IL15RA: variants seen among roughly 807,000 people sequenced by gnomAD.
IL15RA encodes interleukin 15 receptor subunit alpha.
Under a neutral mutation model 24.2 loss-of-function variants are expected in IL15RA, and 26 were observed. The observed-to-expected ratio is 1.07, with a 90% CI of 0.79 to 1.49. The LOEUF (loss-of-function observed/expected upper bound fraction) is 1.49. Among genes scored for constraint, IL15RA ranks in the 40% most tolerant of loss-of-function variants. The pLI, the probability that IL15RA is intolerant of heterozygous loss-of-function variation, is 0.00. For synonymous variants in IL15RA, 166 were observed against 157.6 expected (o/e 1.05, Z -0.40); for missense variants, 354 against 356.4 (o/e 0.99, Z 0.05).
At chr10:5,950,095 C>CAAAA (rs3085932), downstream of IL15RA, among the ~76,000 whole-genome samples, 2,372 of 149,910 alleles carry the variant, frequency 0.016, 49 homozygotes, top group South Asian at 0.075. This position sits in a 1 kb window ranked among gnomAD's most constrained non-coding sequence, Gnocchi z 5.6. Context: ...GACTCTGTCT[C>CAAAA]AAAAAAAAAG....
At position 5,953,554 on chromosome 10, in the gene IL15RA, C is replaced by T. The variant is rs1239870711; in HGVS notation, c.693-348G>A. ...TAAATCCTCTCCAGGTATTTCCAAC[C>T]TCCCCATCCACCAAAGACTCACCAA... On this transcript the variant is annotated intron_variant, in intron 6 of 6. Coordinates refer to ENST00000379977, the MANE Select transcript of IL15RA (RefSeq NM_002189.4). The surrounding 1 kb of genome is among the most constrained non-coding windows in gnomAD (Gnocchi z 5.3). Among the ~76,000 whole-genome samples, 1 of 152,030 alleles carries T rather than the reference C, an allele frequency of 6.6e-6. No homozygotes were observed. Among genetic ancestry groups the T allele is most frequent in the African/African-American group, 2.4e-5 (1 of 41,400 alleles).
At position 5,961,417 on chromosome 10, in the gene IL15RA, G is replaced by T. The variant is rs8177699; in HGVS notation, c.383-850C>A. Among the ~76,000 whole-genome samples, 17 of 148,048 alleles carry T rather than the reference G, an allele frequency of 1.1e-4. No individual in the cohort carries two copies. In the Admixed American group the frequency reaches 1.2e-3, roughly 10 times the overall value. On this transcript the variant is annotated intron_variant, in intron 3 of 6. Coordinates refer to ENST00000379977, the MANE Select transcript of IL15RA (RefSeq NM_002189.4). This position sits in a 1 kb window ranked among gnomAD's most constrained non-coding sequence, Gnocchi z 5.2. ...AGACCCCTGTCTCTTAAAAAAAAAGGTGGGGGGAAGAAAAGAAAAGGTGTC... is the reference window on the plus strand; with the variant it reads ...AGACCCCTGTCTCTTAAAAAAAAAGTTGGGGGGAAGAAAAGAAAAGGTGTC...
At chr10:5,949,426 A>C, downstream of IL15RA, 1 of 466,172 alleles carries the variant, frequency 2.1e-6, no homozygotes, top group Non-Finnish European at 4.4e-6. The surrounding 1 kb of genome is among the most constrained non-coding windows in gnomAD (Gnocchi z 4.4). Context: ...AGTTCTGATT[A>C]GTGCCTAGCA....
At position 5,966,408 on chromosome 10, in the gene IL15RA, C is replaced by A. The variant is rs954090478; in HGVS notation, c.89-69G>T. 2 of 1,320,726 alleles carry A rather than the reference C, an allele frequency of 1.5e-6. No individual in the cohort carries two copies. Among genetic ancestry groups the A allele is most frequent in the African/African-American group, 1.4e-5 (1 of 69,550 alleles). The allele number at this position is 1,320,726 out of a possible 1,614,324, so 81.8% of individuals were successfully genotyped here. ...TTGTAAGAGGCGTTCTCCAGGCACA[C>A]GCAGCGGTAGTCAGTGTCCAGCTTA... On this transcript the variant is annotated intron_variant, in intron 1 of 6. Coordinates refer to ENST00000379977, the MANE Select transcript of IL15RA (RefSeq NM_002189.4). This position sits in a 1 kb window ranked among gnomAD's most constrained non-coding sequence, Gnocchi z 6.4.
chr10:5,951,092 A>C (rs1346719792), downstream of IL15RA, among the ~76,000 whole-genome samples: 2 of 133,868 alleles, frequency 1.5e-5, no homozygotes, highest in Non-Finnish European at 3.1e-5. Context: ...CAGTGAGCCG[A>C]GATTGTGCCA....
chr10:5,957,692 A>G (rs1245306805), intron 5 of IL15RA, among the ~76,000 whole-genome samples: 2 of 150,980 alleles, frequency 1.3e-5, no homozygotes, highest in Non-Finnish European at 2.9e-5. Flanking sequence ...CCCAGGTTCA[A>G]ACGATTCTCC....
rs537776422 is a variant in IL15RA at position 5,962,705 on chromosome 10, G to A, written c.382+1038C>T. 3.9e-5 allele frequency among the ~76,000 whole-genome samples: 6 copies of A among 152,116 alleles called. No individual in the cohort carries two copies. In the East Asian group the frequency reaches 1.2e-3, roughly 29 times the overall value. ...CAGTGTGTACCCACGGCTGACAACT[G>A]ACACTCCGCAAAGGATGGCTGAGTC... is the stretch of plus-strand genomic sequence containing the variant. On this transcript the variant is annotated intron_variant, in intron 3 of 6. Transcript: ENST00000379977. This position sits in a 1 kb window ranked among gnomAD's most constrained non-coding sequence, Gnocchi z 5.2.
In IL15RA at chr10:5,963,984, G is replaced by C; in HGVS notation, c.284-143C>G. ...TTCCTCAGACAGGTTAAAAGCATAA[G>C]AAACAATGTTTCCCCACCCGAATGC... is the stretch of plus-strand genomic sequence containing the variant. On this transcript the variant is annotated intron_variant, in intron 2 of 6. Transcript: ENST00000379977. This position sits in a 1 kb window ranked among gnomAD's most constrained non-coding sequence, Gnocchi z 5.3. The C allele has an allele frequency of 1.7e-6, 1 of 574,968 alleles. No individual in the cohort carries two copies. The highest frequency in any genetic ancestry group is 4.1e-5 in the Admixed American group (1 of 24,586). The allele number at this position is 574,968 out of a possible 1,614,324, so 35.6% of individuals were successfully genotyped here. A position where few individuals can be genotyped will look rare whatever the true frequency, so the allele number is the denominator to read the frequency against.
At chr10:5,954,438 C>T (rs555415470) in intron 6 of IL15RA, among the ~76,000 whole-genome samples, 1 of 151,432 alleles carries the variant, frequency 6.6e-6, no homozygotes, top group South Asian at 2.1e-4. Flanking sequence ...ATTTATTTTA[C>T]TTTTTGAGCT....
intron 5 of IL15RA, among the ~76,000 whole-genome samples, chr10:5,957,589 TC>T (rs1170688016): frequency 2.5e-5 from 3 of 120,484 alleles, no homozygotes; most frequent in Admixed American, 2.5e-4. Context: ...TTTCTTTTCT[TC>T]TTCTTTTTTT....
rs909207991 is a variant in IL15RA at position 5,953,412 on chromosome 10, C to G, written c.693-206G>C. The stretch of plus-strand genomic sequence containing the variant: ...CTACCTCTACCGAGTGTATTAAATC[C>G]TATCTAGGGGCCAGGTGTGGTGGCG... On this transcript the variant is annotated intron_variant, in intron 6 of 6. Transcript: ENST00000379977. The surrounding 1 kb of genome is among the most constrained non-coding windows in gnomAD (Gnocchi z 5.3). 1 of 704,330 alleles carries G rather than the reference C, an allele frequency of 1.4e-6. No individual in the cohort carries two copies. Among genetic ancestry groups the G allele is most frequent in the Non-Finnish European group, 2.6e-6 (1 of 382,880 alleles). 43.6% of individuals were successfully genotyped at this position (704,330 alleles called of 1,614,324 possible).
At position 5,968,670 on chromosome 10, in the gene IL15RA, G is replaced by A. The variant is rs1837029728; in HGVS notation, c.89-2331C>T. On this transcript the variant is annotated intron_variant, in intron 1 of 6. Coordinates refer to ENST00000379977, the MANE Select transcript of IL15RA (RefSeq NM_002189.4). This position sits in a 1 kb window ranked among gnomAD's most constrained non-coding sequence, Gnocchi z 5.4. The stretch of plus-strand genomic sequence containing the variant: ...GTCAGAGGCTTTTTCTCCATGTTCT[G>A]CTCCACACTGATCTTCTGTCCTTCT... 1.6e-5 allele frequency: 11 copies of A among 669,206 alleles called. No individual in the cohort carries two copies. The South Asian group carries it at 1.8e-4, about 11-fold the overall frequency. 41.5% of individuals were successfully genotyped at this position (669,206 alleles called of 1,614,324 possible).
intron 1 of IL15RA, chr10:5,977,021 C>G (rs991231362): frequency 5.5e-6 from 1 of 180,216 alleles, no homozygotes; most frequent in African/African-American, 2.3e-5. Flanking sequence ...AACACCCGCC[C>G]TGCAGTCCAG....
chr10:5,951,330 A>G (rs1424250495), downstream of IL15RA, among the ~76,000 whole-genome samples: 2 of 151,412 alleles, frequency 1.3e-5, no homozygotes, highest in African/African-American at 4.9e-5. Context: ...CCCCTCCCCC[A>G]CAAAAAAAGA....
intron 1 of IL15RA, among the ~76,000 whole-genome samples, chr10:5,972,764 T>C (rs1464549451): frequency 6.6e-6 from 1 of 152,222 alleles, no homozygotes; most frequent in Non-Finnish European, 1.5e-5. Flanking sequence ...CCATTTTATT[T>C]ACTCAGTCCT....
Position 5,969,009 on chromosome 10 carries a change from T to C in IL15RA, c.89-2670A>G. The C allele has an allele frequency of 9.8e-6, 15 of 1,527,324 alleles. No individual in the cohort carries two copies. In the South Asian group the frequency reaches 1.4e-4, roughly 15 times the overall value. The allele number at this position is 1,527,324 out of a possible 1,614,324, so 94.6% of individuals were successfully genotyped here. On this transcript the variant is annotated intron_variant, in intron 1 of 6. Coordinates refer to ENST00000379977, the MANE Select transcript of IL15RA (RefSeq NM_002189.4). ...CTCCAGGGCTGTTTGTGTAGGATCC[T>C]GAGCAAGGACTAAGTGTATTGTGTG...
rs1322065088 is a variant in IL15RA, at chr10:5,955,592, A to C, written c.692+787T>G. 6.6e-6 allele frequency among the ~76,000 whole-genome samples: 1 copy of C among 152,352 alleles called. No individual in the cohort carries two copies. The highest frequency in any genetic ancestry group is 1.9e-4 in the East Asian group (1 of 5,192). The stretch of plus-strand genomic sequence containing the variant: ...TTGAGGCTTTAATCAAAGAATAATA[A>C]TACTGCCTAAAGATTAAAAAAATGA... On this transcript the variant is annotated intron_variant, in intron 6 of 6. Coordinates refer to ENST00000379977, the MANE Select transcript of IL15RA (RefSeq NM_002189.4). This position sits in a 1 kb window ranked among gnomAD's most constrained non-coding sequence, Gnocchi z 5.3.
At chr10:5,969,101 G>C (rs1422274381) in intron 1 of IL15RA, among the ~76,000 whole-genome samples, 1 of 152,172 alleles carries the variant, frequency 6.6e-6, no homozygotes, top group African/African-American at 2.4e-5. Flanking sequence ...CACCAATACC[G>C]TGCTGCCTTG....
At position 5,975,284 on chromosome 10, in the gene IL15RA, A is replaced by G. The variant is rs1043547352; in HGVS notation, c.88+2121T>C. Among the ~76,000 whole-genome samples the G allele has an allele frequency of 3.3e-5, 5 of 152,362 alleles. No homozygotes were observed. The highest frequency in any genetic ancestry group is 5.9e-5 in the Non-Finnish European group (4 of 68,036). ...TAATGAACTACTTATACAAATTACAACATGGATAAATTCTCAGGATAATTA... is the reference window on the plus strand; with the variant it reads ...TAATGAACTACTTATACAAATTACAGCATGGATAAATTCTCAGGATAATTA... On this transcript the variant is annotated intron_variant, in intron 1 of 6. Coordinates refer to ENST00000379977, the MANE Select transcript of IL15RA (RefSeq NM_002189.4). The surrounding 1 kb of genome is among the most constrained non-coding windows in gnomAD (Gnocchi z 4.8).
Sources: allele counts gnomAD v4.1 joint callset (sites outside exome capture counted in the v4.1 genomes callset), GRCh38; gene constraint gnomAD v4.1.1; non-coding constraint Gnocchi (gnomAD v3.1); transcripts MANE v1.5; gene names NCBI Gene and HGNC (gene_info 2026-07-23, HGNC 2026-07-21).